Variants in CNTNAP2 observed in about 807,000 individuals in gnomAD.
CNTNAP2 encodes the protein contactin-associated protein-like 2.
A neutral mutation model predicts 155.2 loss-of-function variants in CNTNAP2; 98 were observed. That is an observed-to-expected ratio of 0.63 (90% CI 0.54 to 0.75). The LOEUF (loss-of-function observed/expected upper bound fraction) is 0.75. Ranked by LOEUF, CNTNAP2 falls within the 30% of genes least tolerant of loss-of-function variation. The probability of loss-of-function intolerance (pLI) is 0.00; values close to 1 mark genes in which losing one functional copy is unlikely to be tolerated. For synonymous variants in CNTNAP2, 651 were observed against 631.2 expected, an observed-to-expected ratio of 1.03 and a Z score of -0.47; for missense variants, 1,727 against 1,688.1, an observed-to-expected ratio of 1.02 and a Z score of -0.40.
chr7:147,402,339 G>A (rs1015480358), intron 10 of CNTNAP2, among the ~76,000 whole-genome samples: 1 of 152,188 alleles, frequency 6.6e-6, no homozygotes, highest in African/African-American at 2.4e-5. Context: ...TCCCCAGCCT[G>A]GTCGGCCTTC....
chr7:148,093,651 T>A (rs1803897745), intron 15 of CNTNAP2, among the ~76,000 whole-genome samples: 1 of 152,258 alleles, frequency 6.6e-6, no homozygotes, highest in Non-Finnish European at 1.5e-5. Flanking sequence ...CTGACCCAAC[T>A]GAGGTCACAT....
chr7:146,493,415 A>G lies in CNTNAP2; in HGVS notation c.98-280856A>G, dbSNP rs553105423. Among the ~76,000 whole-genome samples the G allele has an allele frequency of 2.0e-5, 3 of 152,314 alleles. No homozygotes were observed. The South Asian group carries it at 6.2e-4, about 32-fold the overall frequency. ...GTTTGTGTCTTGAATCACTTTAAAA[A>G]TTTTGAAAACAAAATTTGATAGATT... On this transcript the variant is annotated intron_variant, in intron 1 of 23. Coordinates refer to ENST00000361727, the MANE Select transcript of CNTNAP2 (RefSeq NM_014141.6).
intron 15 of CNTNAP2, among the ~76,000 whole-genome samples, chr7:148,107,102 A>G (rs1804240448): frequency 6.6e-6 from 1 of 152,204 alleles, no homozygotes; most frequent in African/African-American, 2.4e-5. Context: ...AACATGTGAA[A>G]CACACAACTG....
At chr7:146,583,714 T>TA (rs1798646652) in intron 1 of CNTNAP2, among the ~76,000 whole-genome samples, 2 of 152,222 alleles carry the variant, frequency 1.3e-5, no homozygotes, top group Non-Finnish European at 2.9e-5. Flanking sequence ...GTAATGCAAT[T>TA]TATATAAATA....
At chr7:146,293,624 C>G (rs911970000) in intron 1 of CNTNAP2, among the ~76,000 whole-genome samples, 1 of 152,106 alleles carries the variant, frequency 6.6e-6, no homozygotes, top group Non-Finnish European at 1.5e-5. Flanking sequence ...GAGTCTATCC[C>G]ATTCATCTCC....
In CNTNAP2 at chr7:147,508,808, T is replaced by C. The variant is rs577332220; in HGVS notation, c.1777+22767T>C. ...TGCCTGACACTATGTAAGACATGCC[T>C]ATGACTCCTTCGCCTTCTGCCATGA... is the stretch of plus-strand genomic sequence containing the variant. On this transcript the variant is annotated intron_variant, in intron 11 of 23. Transcript: ENST00000361727. Among the ~76,000 whole-genome samples the C allele has an allele frequency of 9.8e-5, 15 of 152,314 alleles. No individual in the cohort carries two copies. The South Asian group carries it at 3.1e-3, about 32-fold the overall frequency.
intron 1 of CNTNAP2, among the ~76,000 whole-genome samples, chr7:146,742,015 C>G (rs1441620983): frequency 6.7e-6 from 1 of 150,074 alleles, no homozygotes; most frequent in Non-Finnish European, 1.5e-5. Context: ...CCTTACTGAA[C>G]AAAACAATAA....
chr7:146,312,982 C>A (rs998345155), intron 1 of CNTNAP2, among the ~76,000 whole-genome samples: 3 of 152,056 alleles, frequency 2.0e-5, no homozygotes, highest in African/African-American at 4.8e-5. Flanking sequence ...ATATTGCTTT[C>A]ATATCTTGGC....
intron 2 of CNTNAP2, among the ~76,000 whole-genome samples, chr7:146,800,887 T>C (rs1191982018): frequency 6.6e-6 from 1 of 152,042 alleles, no homozygotes; most frequent in East Asian, 1.9e-4. Flanking sequence ...TAGAGAATTT[T>C]TTCCCACATG....
chr7:146,929,301 C>T (rs902136738), intron 3 of CNTNAP2, among the ~76,000 whole-genome samples: 7 of 152,188 alleles, frequency 4.6e-5, no homozygotes, highest in African/African-American at 9.6e-5. Context: ...TGCTCTGCAG[C>T]CACCACTACT....
chr7:147,640,117 C>A (rs184250362), intron 13 of CNTNAP2, among the ~76,000 whole-genome samples: 1 of 151,860 alleles, frequency 6.6e-6, no homozygotes, highest in Non-Finnish European at 1.5e-5. Flanking sequence ...TAAAATTTTA[C>A]CTTAATTGAC....
chr7:148,015,388 C>T (rs146523138), intron 15 of CNTNAP2, among the ~76,000 whole-genome samples: 1 of 152,304 alleles, frequency 6.6e-6, no homozygotes, highest in East Asian at 1.9e-4. Flanking sequence ...AGCAACTCTC[C>T]TGCAGTGAAG....
intron 8 of CNTNAP2, among the ~76,000 whole-genome samples, chr7:147,244,161 C>A (rs899223726): frequency 6.6e-6 from 1 of 152,120 alleles, no homozygotes; most frequent in Non-Finnish European, 1.5e-5. Flanking sequence ...TACATTTCAT[C>A]CTGGGTCTGG....
At chr7:147,669,887 C>T (rs1795759209) in intron 13 of CNTNAP2, among the ~76,000 whole-genome samples, 1 of 152,182 alleles carries the variant, frequency 6.6e-6, no homozygotes, top group Admixed American at 6.5e-5. Context: ...TAAGCACAAA[C>T]ATTTCACTAA....
chr7:147,758,743 G>A (rs1584940981), intron 13 of CNTNAP2, among the ~76,000 whole-genome samples: 1 of 152,090 alleles, frequency 6.6e-6, no homozygotes, highest in African/African-American at 2.4e-5. Context: ...TACTTGCGGG[G>A]CTGAGGTGAG....
intron 19 of CNTNAP2, among the ~76,000 whole-genome samples, chr7:148,221,336 T>C (rs148516334): frequency 6.4e-4 from 97 of 152,236 alleles, no homozygotes; most frequent in African/African-American, 2.2e-3. Context: ...TGCATGGAGG[T>C]TGAGTGCCTT....
chr7:146,142,952 G>A (rs1305249050), intron 1 of CNTNAP2, among the ~76,000 whole-genome samples: 1 of 152,194 alleles, frequency 6.6e-6, no homozygotes, highest in Non-Finnish European at 1.5e-5. Context: ...TATGACTGAA[G>A]TACATAGTTA....
chr7:147,573,192 G>T (rs1800326786), intron 12 of CNTNAP2, among the ~76,000 whole-genome samples: 1 of 152,080 alleles, frequency 6.6e-6, no homozygotes, highest in Non-Finnish European at 1.5e-5. Context: ...CATTAATGAA[G>T]AATGAAAATA....
In CNTNAP2 at chr7:148,321,717, T is replaced by A. The variant is rs561488805; in HGVS notation, c.3475+54591T>A. Among the ~76,000 whole-genome samples, 3 of 152,246 alleles carry A rather than the reference T, an allele frequency of 2.0e-5. No individual in the cohort carries two copies. In the East Asian group the frequency reaches 5.8e-4, roughly 29 times the overall value. Reference sequence around the variant, plus strand: ...GTGTCCAATGCAATCATCAGGCAAATAATATTTTAATGTTTTCTTGACATG... The same window carrying A: ...GTGTCCAATGCAATCATCAGGCAAAAAATATTTTAATGTTTTCTTGACATG... On this transcript the variant is annotated intron_variant, in intron 21 of 23. Coordinates refer to ENST00000361727, the MANE Select transcript of CNTNAP2 (RefSeq NM_014141.6).
Sources: allele counts gnomAD v4.1 joint callset (sites outside exome capture counted in the v4.1 genomes callset), GRCh38; gene constraint gnomAD v4.1.1; transcripts MANE v1.5; gene names NCBI Gene and HGNC (gene_info 2026-07-23, HGNC 2026-07-21).